Variants in PPP2R2D observed in about 807,000 individuals in gnomAD.
The protein encoded by PPP2R2D is serine/threonine-protein phosphatase 2A 55 kDa regulatory subunit B delta isoform.
A neutral mutation model predicts 31.1 loss-of-function variants in PPP2R2D; 9 were observed. The ratio of observed to expected loss-of-function variants is 0.29; its 90% CI spans 0.17 to 0.51. The LOEUF is 0.51. Ranked by LOEUF, PPP2R2D falls within the 20% of genes least tolerant of loss-of-function variation. PPP2R2D has a pLI of 0.98. For missense variants in PPP2R2D, 391 were observed against 465.6 expected (o/e 0.84, Z 1.48); for synonymous variants, 179 against 172.6 (o/e 1.04, Z -0.29).
At chr10:131,905,730 A>AGT (rs1355029773) in intron 2 of PPP2R2D, among the ~76,000 whole-genome samples, 419 of 152,262 alleles carry the variant, frequency 2.8e-3, no homozygotes, top group Non-Finnish European at 4.6e-3. Flanking sequence ...TCACAAAGCG[A>AGT]GTGTATGGCA....
At chr10:131,913,356 A>T (rs1486087212) in intron 2 of PPP2R2D, among the ~76,000 whole-genome samples, 1 of 151,962 alleles carries the variant, frequency 6.6e-6, no homozygotes, top group Non-Finnish European at 1.5e-5. Flanking sequence ...TGCATTATGA[A>T]TATTAGTCTC....
intron 2 of PPP2R2D, among the ~76,000 whole-genome samples, chr10:131,910,537 G>A (rs1285099658): frequency 3.3e-5 from 5 of 152,110 alleles, no homozygotes; most frequent in African/African-American, 1.2e-4. Flanking sequence ...GTCAATTTCT[G>A]CCAGATACCA....
intron 8 of PPP2R2D, among the ~76,000 whole-genome samples, chr10:131,950,190 G>C (rs1280442084): frequency 1.3e-5 from 2 of 152,000 alleles, no homozygotes; most frequent in African/African-American, 2.4e-5. Flanking sequence ...GAGCCAAACA[G>C]AAAACAAGAG....
At chr10:131,904,785 C>CTTT (rs2119702730) in intron 2 of PPP2R2D, among the ~76,000 whole-genome samples, 1 of 152,198 alleles carries the variant, frequency 6.6e-6, no homozygotes, top group Non-Finnish European at 1.5e-5. Context: ...TGGGGTGATG[C>CTTT]CCAGTGCACA....
At chr10:131,916,154 C>T (rs946060174) in intron 2 of PPP2R2D, among the ~76,000 whole-genome samples, 23 of 152,290 alleles carry the variant, frequency 1.5e-4, no homozygotes, top group African/African-American at 5.3e-4. Context: ...TCTGGCCACG[C>T]GCCCTGATAA....
intron 2 of PPP2R2D, among the ~76,000 whole-genome samples, chr10:131,921,773 C>T (rs1163838868): frequency 1.3e-5 from 2 of 152,040 alleles, no homozygotes; most frequent in East Asian, 3.9e-4. Context: ...GTGTCAGAGC[C>T]CCTGGCCTGT....
chr10:131,949,342 C>A (rs1273936106), intron 8 of PPP2R2D, among the ~76,000 whole-genome samples: 1 of 151,998 alleles, frequency 6.6e-6, no homozygotes, highest in Non-Finnish European at 1.5e-5. Context: ...TCCTCAAGGC[C>A]GCTTGCTGGA....
At chr10:131,965,264 G>A in the PPP2R2D span, among the ~76,000 whole-genome samples, 2 of 152,122 alleles carry the variant, frequency 1.3e-5, no homozygotes, top group Non-Finnish European at 2.9e-5. Context: ...TTCCCAGCAC[G>A]GAGGCTGGGC....
At chr10:131,954,516 C>T (rs1489321888) in intron 8 of PPP2R2D, among the ~76,000 whole-genome samples, 3 of 152,324 alleles carry the variant, frequency 2.0e-5, no homozygotes, top group East Asian at 3.9e-4. Flanking sequence ...TGCTGGAGGG[C>T]GCTGGGCACA....
chr10:131,902,822 G>A lies in PPP2R2D; in HGVS notation c.100+1492G>A, dbSNP rs2035522171. On this transcript the variant is annotated intron_variant, in intron 2 of 8. Transcript: ENST00000455566. ...GGATGGAGTGCAGTGGTGCGATCTG[G>A]GCTCACTGCAACCTCTGCCTCCTAG... Among the ~76,000 whole-genome samples, 5 of 152,182 alleles carry A rather than the reference G, an allele frequency of 3.3e-5. No individual in the cohort carries two copies. In the South Asian group the frequency reaches 1.0e-3, roughly 32 times the overall value.
intron 2 of PPP2R2D, among the ~76,000 whole-genome samples, chr10:131,916,330 A>AAT (rs369613934): frequency 2.8e-5 from 4 of 143,558 alleles, no homozygotes; most frequent in African/African-American, 7.7e-5. Flanking sequence ...ATAGATTGGG[A>AAT]TTTTTTTTTT....
At chr10:131,970,253 A>C in the PPP2R2D span, 1 of 222,544 alleles carries the variant, frequency 4.5e-6, no homozygotes. The surrounding 1 kb of genome is among the most constrained non-coding windows in gnomAD (Gnocchi z 4.1). Flanking sequence ...GAGGAAGTAC[A>C]GCAGGTAACT....
intron 2 of PPP2R2D, among the ~76,000 whole-genome samples, chr10:131,925,422 A>T (rs1295408684): frequency 6.6e-6 from 1 of 152,172 alleles, no homozygotes; most frequent in Non-Finnish European, 1.5e-5. Flanking sequence ...TTGTCCTTTA[A>T]TGTTATTAGT....
rs1554898157 is a variant in PPP2R2D, at chr10:131,947,595, G to A, written c.886G>A (p.Asp296Asn). The change falls in exon 8 of 9, where the codon GAT becomes AAT. Residue 296 changes from aspartate (D) to asparagine (N), a missense_variant. Physicochemically the swap from Asp to Asn is conservative, Grantham distance 23. Around this residue, in one of 3 missense-constraint regions of PPP2R2D, gnomAD observed 123 missense variants for 187.7 expected, o/e 0.66. Coordinates refer to ENST00000455566, the MANE Select transcript of PPP2R2D (RefSeq NM_018461.5). This position sits in a 1 kb window ranked among gnomAD's most constrained non-coding sequence, Gnocchi z 4.3. The stretch of plus-strand genomic sequence containing the variant: ...CTCAGAAATAATTTCATCCATATCC[G>A]ATGTAAAATTCAGTCATAGTGGGCG... ...FFSEIISSIS[D>N]VKFSHSGRYM... 3.1e-6 allele frequency: 5 copies of A among 1,614,186 alleles called. No homozygotes were observed. Among genetic ancestry groups the A allele is most frequent in the Non-Finnish European group, 4.2e-6 (5 of 1,180,052 alleles).
intron 2 of PPP2R2D, among the ~76,000 whole-genome samples, chr10:131,910,721 AG>A (rs1177588895): frequency 6.6e-6 from 1 of 152,190 alleles, no homozygotes; most frequent in Non-Finnish European, 1.5e-5. Context: ...GCGTTGGCTA[AG>A]GGCCGGCAAC....
chr10:131,927,216 G>A (rs2119818457), intron 2 of PPP2R2D, among the ~76,000 whole-genome samples: 1 of 152,190 alleles, frequency 6.6e-6, no homozygotes, highest in South Asian at 2.1e-4. Context: ...AGAGGTGTGA[G>A]ACAGTCATTT....
chr10:131,913,795 G>A (rs2035724975), intron 2 of PPP2R2D, among the ~76,000 whole-genome samples: 1 of 152,136 alleles, frequency 6.6e-6, no homozygotes, highest in Non-Finnish European at 1.5e-5. Context: ...CAGAGGCAGG[G>A]GCAACCATGA....
At chr10:131,923,264 C>G (rs2036028725) in intron 2 of PPP2R2D, among the ~76,000 whole-genome samples, 1 of 152,220 alleles carries the variant, frequency 6.6e-6, no homozygotes, top group Non-Finnish European at 1.5e-5. Context: ...CCGGCTGCTT[C>G]TCCCCAGCGT....
At chr10:131,932,800 T>A (rs1443309652) in intron 2 of PPP2R2D, among the ~76,000 whole-genome samples, 3 of 152,180 alleles carry the variant, frequency 2.0e-5, no homozygotes, top group African/African-American at 7.2e-5. Context: ...TTTGTAATTT[T>A]GTGTATTTAG....
Sources: gnomAD v4.1 joint callset for allele counts (sites outside exome capture counted in the v4.1 genomes callset) on GRCh38, gnomAD v4.1.1 for gene constraint, gnomAD v4.1.1 regional missense constraint, Gnocchi (gnomAD v3.1) non-coding constraint, MANE v1.5 for transcripts, NCBI Gene and HGNC (gene_info 2026-07-23, HGNC 2026-07-21) for gene names.